The following COLQ variants were observed in gnomAD, a reference collection of about 807,000 sequenced individuals.
COLQ encodes the protein acetylcholinesterase collagenic tail peptide.
COLQ carries 48 observed loss-of-function variants against 69.0 expected under a neutral mutation model. The ratio of observed to expected loss-of-function variants is 0.70; its 90% CI spans 0.55 to 0.88. The LOEUF is 0.88. COLQ is among the 40% of genes least tolerant of loss of function. The pLI is 0.00. For synonymous variants in COLQ, 217 were observed against 211.2 expected (o/e 1.03, Z -0.24); for missense variants, 618 against 594.6 (o/e 1.04, Z -0.41).
At chr3:15,472,477 CT>C (rs2062304092) in intron 10 of COLQ, among the ~76,000 whole-genome samples, 1 of 152,264 alleles carries the variant, frequency 6.6e-6, no homozygotes, top group South Asian at 2.1e-4. Flanking sequence ...GTAAATAAAA[CT>C]TTAAGGTGAA....
At chr3:15,463,954 C>T (rs1306336005) in intron 12 of COLQ, among the ~76,000 whole-genome samples, 1 of 152,230 alleles carries the variant, frequency 6.6e-6, no homozygotes, top group Non-Finnish European at 1.5e-5. Flanking sequence ...CCATACTAAT[C>T]AGTGTTTGTT....
chr3:15,507,203 C>G (rs929234138), intron 1 of COLQ, among the ~76,000 whole-genome samples: 10 of 152,226 alleles, frequency 6.6e-5, no homozygotes, highest in Non-Finnish European at 1.5e-5. Context: ...CAAACATCTG[C>G]TGATGCAAAC....
At chr3:15,499,775 G>C (rs2062806755) in intron 1 of COLQ, among the ~76,000 whole-genome samples, 1 of 152,188 alleles carries the variant, frequency 6.6e-6, no homozygotes. Context: ...ACTGGCCCTG[G>C]AGTCATCCAA....
At chr3:15,459,192 TC>T (rs796677028) in intron 12 of COLQ, among the ~76,000 whole-genome samples, 11 of 152,314 alleles carry the variant, frequency 7.2e-5, no homozygotes, top group African/African-American at 2.6e-4. Context: ...TTCTTTCATT[TC>T]TTCTGGAAGA....
chr3:15,458,309 T>C lies in COLQ; in HGVS notation c.831A>G (p.Gly277=). ...CGGGAAATCCTCTTTCCCCTTTGGG[T>C]CCCATTATAAGTTGTCCTAGGAAGC... ...GPPPAGQLIM[G]PKGERGFPGP... is the part of the protein sequence containing the mutation. Residue 277 remains glycine, a synonymous_variant, in exon 13 of 17, where the codon GGA becomes GGG. Transcript: ENST00000383788. The C allele has an allele frequency of 1.2e-6, 2 of 1,614,088 alleles. No individual in the cohort carries two copies. The highest frequency in any genetic ancestry group is 1.7e-6 in the Non-Finnish European group (2 of 1,180,020).
At chr3:15,462,289 C>G (rs1296143387) in intron 12 of COLQ, among the ~76,000 whole-genome samples, 1 of 152,130 alleles carries the variant, frequency 6.6e-6, no homozygotes, top group East Asian at 1.9e-4. Flanking sequence ...CTCAGCCTCC[C>G]CAAGTGCTAG....
intron 7 of COLQ, 175 bp downstream of exon 7, chr3:15,475,250 C>G: frequency 1.4e-6 from 1 of 705,098 alleles, no homozygotes. Flanking sequence ...CATCCCTATG[C>G]CCCTGCATCC....
chr3:15,470,484 C>T lies in COLQ; in HGVS notation c.717+52G>A, dbSNP rs373082527. 4 of 1,516,416 alleles carry T rather than the reference C, an allele frequency of 2.6e-6. No homozygotes were observed. In the African/African-American group the frequency reaches 4.1e-5, roughly 16 times the overall value. The allele number at this position is 1,516,416 out of a possible 1,614,324, so 93.9% of individuals were successfully genotyped here. A position where few individuals can be genotyped will look rare whatever the true frequency, so the allele number is the denominator to read the frequency against. Reference sequence around the variant, plus strand: ...CACCTGCCTGCCACTCCACACACTGCCAGGTCAGGAAGTTCTGACCTCAGG... The same window carrying T: ...CACCTGCCTGCCACTCCACACACTGTCAGGTCAGGAAGTTCTGACCTCAGG... On this transcript the variant is annotated intron_variant, in intron 11 of 16. Transcript: ENST00000383788.
chr3:15,461,998 C>CT (rs1553635120), intron 12 of COLQ, among the ~76,000 whole-genome samples: 1 of 137,914 alleles, frequency 7.3e-6, no homozygotes, highest in East Asian at 2.2e-4. Flanking sequence ...ACAGGGATAA[C>CT]TTATTTATTT....
intron 1 of COLQ, among the ~76,000 whole-genome samples, chr3:15,515,967 T>C (rs1048429953): frequency 3.3e-5 from 5 of 151,828 alleles, no homozygotes; most frequent in African/African-American, 4.8e-5. Context: ...GAGGTGTGAG[T>C]GTGGCAAACA....
chr3:15,462,662 A>G (rs1272412565), intron 12 of COLQ, among the ~76,000 whole-genome samples: 2 of 152,194 alleles, frequency 1.3e-5, no homozygotes, highest in Non-Finnish European at 2.9e-5. Context: ...CTCGCCCTCA[A>G]GGATCTAGTG....
At chr3:15,512,997 G>A (rs925277664) in intron 1 of COLQ, among the ~76,000 whole-genome samples, 29 of 152,232 alleles carry the variant, frequency 1.9e-4, no homozygotes, top group African/African-American at 7.0e-4. Flanking sequence ...GATGTGGAAT[G>A]TTGACCCAGG....
Position 15,473,558 on chromosome 3 carries a change from TGAA to T in COLQ, c.636+439_636+441del, listed in dbSNP as rs2062326666. 6.6e-6 allele frequency among the ~76,000 whole-genome samples: 1 copy of T among 152,170 alleles called. No individual in the cohort carries two copies. The highest frequency in any genetic ancestry group is 6.5e-5 in the Admixed American group (1 of 15,278). On this transcript the variant is annotated intron_variant, in intron 10 of 16. Coordinates refer to ENST00000383788, the MANE Select transcript of COLQ (RefSeq NM_005677.4). This position sits in a 1 kb window ranked among gnomAD's most constrained non-coding sequence, Gnocchi z 4.0. ...CTTCTGGCAGTATGTGCACCGCCCT[TGAA>T]GAAGGACTGCAATAAGGCACAGTGA...
At chr3:15,451,747 C>A in intron 16 of COLQ, 34 bp from the exon 17 acceptor site, 2 of 1,574,504 alleles carry the variant, frequency 1.3e-6, no homozygotes, top group Non-Finnish European at 1.7e-6. Context: ...TAAAAGGCCA[C>A]CTCTTATATG....
At chr3:15,505,299 G>A (rs550502515) in intron 1 of COLQ, among the ~76,000 whole-genome samples, 106 of 152,296 alleles carry the variant, frequency 7.0e-4, no homozygotes, top group Admixed American at 1.8e-3. Flanking sequence ...CTAACCCACA[G>A]AGATGTCTTG....
chr3:15,484,223 T>G (rs1407745621), intron 3 of COLQ, among the ~76,000 whole-genome samples: 1 of 152,208 alleles, frequency 6.6e-6, no homozygotes, highest in Admixed American at 6.5e-5. Flanking sequence ...TTAAGGTTAA[T>G]ATTGTTATGT....
intron 2 of COLQ, among the ~76,000 whole-genome samples, chr3:15,488,968 C>G (rs752842584): frequency 8.5e-5 from 13 of 152,266 alleles, no homozygotes; most frequent in Middle Eastern, 3.4e-3. Context: ...AGCTGAGAAT[C>G]CCAAGTCCCC....
intron 1 of COLQ, among the ~76,000 whole-genome samples, chr3:15,501,267 G>A (rs959076092): frequency 2.6e-5 from 4 of 152,180 alleles, no homozygotes; most frequent in Non-Finnish European, 4.4e-5. Context: ...TCTGGAATAC[G>A]ACATCCCCGG....
chr3:15,473,298 C>T lies in COLQ; in HGVS notation c.636+702G>A, dbSNP rs996940131. Among the ~76,000 whole-genome samples the T allele has an allele frequency of 1.3e-5, 2 of 152,022 alleles. No individual in the cohort carries two copies. ...TCCTAAGTATCTGGCACTACAGGTG[C>T]GAACTACCATGCCCAGCTAATGTTT... On this transcript the variant is annotated intron_variant, in intron 10 of 16. Coordinates refer to ENST00000383788, the MANE Select transcript of COLQ (RefSeq NM_005677.4). This position sits in a 1 kb window ranked among gnomAD's most constrained non-coding sequence, Gnocchi z 4.0.
Sources: allele counts gnomAD v4.1 joint callset (sites outside exome capture counted in the v4.1 genomes callset), GRCh38; gene constraint gnomAD v4.1.1; non-coding constraint Gnocchi (gnomAD v3.1); transcripts MANE v1.5; gene names NCBI Gene and HGNC (gene_info 2026-07-23, HGNC 2026-07-21).